ANK3: variants seen among roughly 807,000 people sequenced by gnomAD.
The protein encoded by ANK3 is ankyrin-3.
In ANK3, 57 loss-of-function variants were observed where a neutral mutation model predicts 370.9. The ratio of observed to expected loss-of-function variants is 0.15; its 90% CI spans 0.12 to 0.19. The LOEUF is 0.19. ANK3 is among the 10% of genes least tolerant of loss of function. The pLI is 1.00. For synonymous variants in ANK3, 1,929 were observed against 1,946.3 expected (o/e 0.99, Z 0.23); for missense variants, 4,439 against 5,302.1 (o/e 0.84, Z 5.06).
At chr10:60,265,124 T>C (rs185788057) in intron 5 of ANK3, among the ~76,000 whole-genome samples, 2 of 152,306 alleles carry the variant, frequency 1.3e-5, no homozygotes, top group African/African-American at 2.4e-5. Flanking sequence ...TTGAACTTTA[T>C]TGTCTTAGCA....
At chr10:60,324,202 A>G (rs1032005737) in intron 1 of ANK3, among the ~76,000 whole-genome samples, 1 of 152,220 alleles carries the variant, frequency 6.6e-6, no homozygotes, top group Non-Finnish European at 1.5e-5. Context: ...GCAAGAATAG[A>G]TGAATCTCAT....
At chr10:60,254,756 T>C (rs2097712696) in intron 7 of ANK3, among the ~76,000 whole-genome samples, 1 of 152,168 alleles carries the variant, frequency 6.6e-6, no homozygotes, top group South Asian at 2.1e-4. Context: ...GAGTTTAGTT[T>C]GGAAAGCAGC....
intron 1 of ANK3, among the ~76,000 whole-genome samples, chr10:60,697,551 C>A (rs1343842378): frequency 6.8e-6 from 1 of 147,482 alleles, no homozygotes; most frequent in Non-Finnish European, 1.5e-5. Flanking sequence ...GGTACCAAAA[C>A]AGAGATATAG....
chr10:60,074,612 G>A lies in ANK3; in HGVS notation c.6269C>T (p.Thr2090Ile). 6.2e-7 allele frequency: 1 copy of A among 1,614,136 alleles called. No homozygotes were observed. The highest frequency in any genetic ancestry group is 8.5e-7 in the Non-Finnish European group (1 of 1,180,016). ...KMPPASMRTS[T>I]SEKELCKMAD... ...CATTTTACACAATTCTTTCTCAGAGGTGGAAGTCCTCATGGAGGCTGGAGG... is the reference window on the plus strand; with the variant it reads ...CATTTTACACAATTCTTTCTCAGAGATGGAAGTCCTCATGGAGGCTGGAGG... Residue 2090 changes from threonine (T) to isoleucine (I), a missense_variant, in exon 37 of 44, where the codon ACC becomes ATC. Physicochemically the swap from Thr to Ile is moderately conservative, Grantham distance 89 (BLOSUM62 -1). Transcript: ENST00000280772.
intron 1 of ANK3, among the ~76,000 whole-genome samples, chr10:60,633,030 G>GTA (rs2078506221): frequency 6.6e-6 from 1 of 152,044 alleles, no homozygotes; most frequent in Non-Finnish European, 1.5e-5. Context: ...ATAGACTAGT[G>GTA]TATATAGAGA....
At chr10:60,605,229 C>G (rs907769722) in intron 2 of ANK3, among the ~76,000 whole-genome samples, 8 of 152,054 alleles carry the variant, frequency 5.3e-5, no homozygotes, top group African/African-American at 1.9e-4. Flanking sequence ...CTTTTAGGTT[C>G]TACGGGAAAC....
intron 2 of ANK3, among the ~76,000 whole-genome samples, chr10:60,401,665 C>T (rs1188735329): frequency 1.3e-5 from 2 of 152,132 alleles, no homozygotes; most frequent in East Asian, 3.8e-4. Flanking sequence ...AATATCCATG[C>T]AAATCACTAA....
chr10:60,273,644 T>G (rs1022678897), intron 4 of ANK3, among the ~76,000 whole-genome samples: 15 of 152,340 alleles, frequency 9.8e-5, no homozygotes, highest in Non-Finnish European at 1.9e-4. Context: ...GATAGTGATA[T>G]GATTTGGCTG....
intron 2 of ANK3, among the ~76,000 whole-genome samples, chr10:60,485,105 C>T (rs2075316424): frequency 6.6e-6 from 1 of 152,134 alleles, no homozygotes; most frequent in African/African-American, 2.4e-5. Flanking sequence ...CAGGTAATAG[C>T]ACCAGAAAAA....
intron 2 of ANK3, among the ~76,000 whole-genome samples, chr10:60,580,348 T>C (rs2077734265): frequency 6.6e-6 from 1 of 152,148 alleles, no homozygotes; most frequent in African/African-American, 2.4e-5. Context: ...TAAGCTTCTA[T>C]AAAGTCCTGT....
chr10:60,602,120 A>G (rs1188844520), intron 2 of ANK3, among the ~76,000 whole-genome samples: 1 of 152,092 alleles, frequency 6.6e-6, no homozygotes, highest in Non-Finnish European at 1.5e-5. Flanking sequence ...CATGACTCTA[A>G]GTGTTATATA....
chr10:60,195,341 G>A (rs1267971846), intron 16 of ANK3, among the ~76,000 whole-genome samples: 3 of 144,626 alleles, frequency 2.1e-5, no homozygotes, highest in Non-Finnish European at 1.5e-5. Context: ...CCGAGATTGC[G>A]CCACTGCACT....
chr10:60,714,859 A>G (rs576915555), intron 1 of ANK3, among the ~76,000 whole-genome samples: 180 of 152,304 alleles, frequency 1.2e-3, no homozygotes, highest in African/African-American at 4.1e-3. Flanking sequence ...TGGGGCACAG[A>G]AGATTTTTAG....
At chr10:60,154,281 C>A (rs769975774) in intron 23 of ANK3, among the ~76,000 whole-genome samples, 6 of 152,170 alleles carry the variant, frequency 3.9e-5, no homozygotes, top group Non-Finnish European at 7.3e-5. Context: ...CTGAGGGCAA[C>A]CTGATCTCCA....
At chr10:60,082,365 C>A in intron 34 of ANK3, 189 bp from the exon 35 acceptor site, 1 of 672,522 alleles carries the variant, frequency 1.5e-6, no homozygotes, top group Non-Finnish European at 2.4e-6. Context: ...TAACATATGA[C>A]GTTATTTAAA....
intron 2 of ANK3, among the ~76,000 whole-genome samples, chr10:60,449,299 CATT>C (rs750520425): frequency 6.6e-6 from 1 of 152,114 alleles, no homozygotes. Flanking sequence ...ATATCCAAAT[CATT>C]ATTATTTCAA....
chr10:60,169,364 G>GTTTTTTT lies in ANK3; in HGVS notation c.2479-2475_2479-2469dup, dbSNP rs71015773. ...TCCATCAACTGGGGCTTGTCTCATA[G>GTTTTTTT]TTTTTTTTTTTTTTTTTTTTTTTTA... On this transcript the variant is annotated intron_variant, in intron 21 of 43. Coordinates refer to ENST00000280772, the MANE Select transcript of ANK3 (RefSeq NM_020987.5). Among the ~76,000 whole-genome samples the GTTTTTTT allele has an allele frequency of 3.5e-3, 181 of 51,848 alleles. 2 individuals carry two copies. Among genetic ancestry groups the GTTTTTTT allele is most frequent in the African/African-American group, 0.013 (174 of 13,538 alleles). The allele number at this position is 51,848 out of a possible 152,430, so 34.0% of individuals were successfully genotyped here.
intron 1 of ANK3, among the ~76,000 whole-genome samples, chr10:60,333,111 AT>A (rs1164169503): frequency 1.3e-5 from 2 of 152,132 alleles, no homozygotes; most frequent in African/African-American, 4.8e-5. Flanking sequence ...ATGGATATAC[AT>A]CTAAAGTCTC....
At chr10:60,333,458 G>C (rs7916895) in intron 1 of ANK3, among the ~76,000 whole-genome samples, 1 of 152,084 alleles carries the variant, frequency 6.6e-6, no homozygotes, top group Non-Finnish European at 1.5e-5. Context: ...CTTCATCTAT[G>C]TCCCTGCAAA....
Sources: allele counts gnomAD v4.1 joint callset (sites outside exome capture counted in the v4.1 genomes callset), GRCh38; gene constraint gnomAD v4.1.1; transcripts MANE v1.5; gene names NCBI Gene and HGNC (gene_info 2026-07-23, HGNC 2026-07-21).